ZNF469: variants seen among roughly 807,000 people sequenced by gnomAD.
ZNF469 encodes the protein zinc finger protein 469.
A neutral mutation model predicts 1.0 loss-of-function variants in ZNF469; 1 was observed. The ratio of observed to expected loss-of-function variants is 1.00; its 90% CI spans 0.35 to 4.73. The LOEUF is 4.73. Ranked by LOEUF, ZNF469 falls within the 30% of genes most tolerant of loss-of-function variation. The pLI is 0.16. For missense variants in ZNF469, 6,100 were observed against 5,356.3 expected, an observed-to-expected ratio of 1.14 and a Z score of -4.33; for synonymous variants, 2,703 against 2,363.4, an observed-to-expected ratio of 1.14 and a Z score of -4.17.
At chr16:88,274,347 G>A in the ZNF469 span, among the ~76,000 whole-genome samples, 28 of 152,314 alleles carry the variant, frequency 1.8e-4, no homozygotes, top group African/African-American at 2.4e-4. Flanking sequence ...GCACAATGCC[G>A]GAAACGTGTT....
chr16:88,202,370 G>A, the ZNF469 span, among the ~76,000 whole-genome samples: 2 of 152,164 alleles, frequency 1.3e-5, no homozygotes, highest in Admixed American at 1.3e-4. Context: ...TTAGAGTGAG[G>A]CTCTGGCTGT....
the ZNF469 span, among the ~76,000 whole-genome samples, chr16:88,173,029 A>G: frequency 1.3e-5 from 2 of 152,232 alleles, no homozygotes; most frequent in East Asian, 3.8e-4. Context: ...AAGAGAAGAG[A>G]GGCAGGGACG....
rs1200811391 is a variant in ZNF469 at position 88,438,045 on chromosome 16, G to C, written c.10575G>C (p.Glu3525Asp). 1 of 1,550,308 alleles carries C rather than the reference G, an allele frequency of 6.5e-7. No homozygotes were observed. Reference protein sequence around the residue: ...VAPSTTKGWPETLERPVDPVT... With the variant: ...VAPSTTKGWPDTLERPVDPVT... Reference sequence around the variant, plus strand: ...CCAGCACCACCAAGGGATGGCCCGAGACCCTAGAGAGGCCTGTAGACCCCG... The same window carrying C: ...CCAGCACCACCAAGGGATGGCCCGACACCCTAGAGAGGCCTGTAGACCCCG... The change falls in exon 3 of 3, where the codon GAG becomes GAC. Residue 3525 changes from glutamate (E) to aspartate (D), a missense_variant. Physicochemically the swap from Glu to Asp is conservative, Grantham distance 45 (BLOSUM62 2). Coordinates refer to ENST00000565624, the MANE Select transcript of ZNF469 (RefSeq NM_001367624.2).
chr16:88,209,416 G>A, the ZNF469 span, among the ~76,000 whole-genome samples: 29,025 of 151,560 alleles, frequency 0.19, 2,913 homozygotes, highest in East Asian at 0.3. Flanking sequence ...TCAGCCTCCC[G>A]AGTAGCTGGG....
chr16:88,329,511 G>A, the ZNF469 span, among the ~76,000 whole-genome samples: 2 of 152,186 alleles, frequency 1.3e-5, no homozygotes, highest in African/African-American at 4.8e-5. Context: ...AGAAGGGTGA[G>A]GATGAAACAC....
chr16:88,272,142 A>G, the ZNF469 span, among the ~76,000 whole-genome samples: 1 of 147,992 alleles, frequency 6.8e-6, no homozygotes, highest in East Asian at 2.0e-4. Context: ...GGGTAGGTGG[A>G]TGGATAGACG....
In ZNF469 at chr16:88,435,912, C is replaced by A; in HGVS notation, c.8442C>A (p.Thr2814=). 2.6e-6 allele frequency: 4 copies of A among 1,550,146 alleles called. No homozygotes were observed. Among genetic ancestry groups the A allele is most frequent in the Non-Finnish European group, 3.5e-6 (4 of 1,146,974 alleles). ...CCAGCTCTCCGGCGGACAGCACCAC[C>A]AGCAGCTGCCTCCAGGGCCTCCCGG... is the stretch of plus-strand genomic sequence containing the variant. ...ETSSSPADST[T]SSCLQGLPDN... Residue 2814 remains threonine (T), a synonymous_variant, in exon 3 of 3, where the codon ACC becomes ACA. Coordinates refer to ENST00000565624, the MANE Select transcript of ZNF469 (RefSeq NM_001367624.2).
chr16:88,356,691 A>G, the ZNF469 span, among the ~76,000 whole-genome samples: 10 of 152,284 alleles, frequency 6.6e-5, no homozygotes, highest in African/African-American at 2.4e-4. Flanking sequence ...CACCACGGAG[A>G]AAACCTCCAG....
At chr16:88,112,606 T>G in the ZNF469 span, among the ~76,000 whole-genome samples, 73 of 152,246 alleles carry the variant, frequency 4.8e-4, no homozygotes, top group African/African-American at 1.7e-3. Flanking sequence ...TATTCAGATC[T>G]TTTGCCCATT....
Position 88,437,429 on chromosome 16 carries a change from A to G in ZNF469, c.9959A>G (p.Glu3320Gly), listed in dbSNP as rs1435095730. 57 of 1,518,334 alleles carry G rather than the reference A, an allele frequency of 3.8e-5. No homozygotes were observed. Among genetic ancestry groups the G allele is most frequent in the Non-Finnish European group, 4.5e-5 (51 of 1,129,788 alleles). 94.1% of individuals were successfully genotyped at this position (1,518,334 alleles called of 1,614,324 possible). Reference protein sequence around the residue: ...SPSPDPWAGGEPLLQATPVHE... With the variant: ...SPSPDPWAGGGPLLQATPVHE... Reference sequence around the variant, plus strand: ...TCCCCCGACCCCTGGGCCGGCGGGGAGCCCCTCCTGCAAGCCACCCCGGTG... The same window carrying G: ...TCCCCCGACCCCTGGGCCGGCGGGGGGCCCCTCCTGCAAGCCACCCCGGTG... The change falls in exon 3 of 3, where the codon GAG (glutamate) becomes GGG (glycine). Residue 3320 changes from glutamate (E) to glycine (G), a missense_variant. Glu to Gly is a moderately conservative substitution (Grantham distance 98, BLOSUM62 -2). Coordinates refer to ENST00000565624, the MANE Select transcript of ZNF469 (RefSeq NM_001367624.2).
chr16:88,265,384 G>A, the ZNF469 span, among the ~76,000 whole-genome samples: 9 of 152,298 alleles, frequency 5.9e-5, no homozygotes, highest in East Asian at 1.5e-3. Flanking sequence ...TCACCCCGAG[G>A]GCTGCGGGAG....
chr16:88,176,646 T>C, the ZNF469 span, among the ~76,000 whole-genome samples: 1 of 150,454 alleles, frequency 6.6e-6, no homozygotes, highest in Non-Finnish European at 1.5e-5. Flanking sequence ...AAAATGAAGG[T>C]GGGGAAGTTG....
chr16:88,123,958 C>T, the ZNF469 span, among the ~76,000 whole-genome samples: 2 of 152,212 alleles, frequency 1.3e-5, no homozygotes, highest in Non-Finnish European at 2.9e-5. Flanking sequence ...CATGTGCCAC[C>T]ACGCCCAGCT....
chr16:88,416,892 G>T (rs1905316369), intron 1 of ZNF469, among the ~76,000 whole-genome samples: 1 of 152,194 alleles, frequency 6.6e-6, no homozygotes. Flanking sequence ...GCCTGAGCAG[G>T]GGCCTGTCCT....
rs1275943411 is a variant in ZNF469 at position 88,430,265 on chromosome 16, C to T, written c.2795C>T (p.Ala932Val). The T allele has an allele frequency of 2.6e-6, 4 of 1,518,814 alleles. No homozygotes were observed. Among genetic ancestry groups the T allele is most frequent in the South Asian group, 2.5e-5 (2 of 80,984 alleles). 94.1% of individuals were successfully genotyped at this position (1,518,814 alleles called of 1,614,324 possible). A position where few individuals can be genotyped will look rare whatever the true frequency, so the allele number is the denominator to read the frequency against. ...GRPKTRSLGL[A>V]PTEADAPSQG... ...CCCAAAACGCGTTCCCTGGGTCTGG[C>T]CCCCACCGAGGCGGATGCGCCCAGC... The change falls in exon 3 of 3, where the codon GCC (alanine) becomes GTC (valine). Residue 932 changes from alanine to valine, a missense_variant. Coordinates refer to ENST00000565624, the MANE Select transcript of ZNF469 (RefSeq NM_001367624.2).
In ZNF469 at chr16:88,437,806, C is replaced by G; in HGVS notation, c.10336C>G (p.Gln3446Glu). Residue 3446 changes from glutamine to glutamate, a missense_variant, in exon 3 of 3, where the codon CAG (glutamine) becomes GAG (glutamate). By Grantham distance (29) the Gln-to-Glu change is conservative. Transcript: ENST00000565624. ...GAACAAGCACCTCAGGGGGGGGCGGCAGCCCTTCGCGTTCCGCGGCGTGCG... is the reference window on the plus strand; with the variant it reads ...GAACAAGCACCTCAGGGGGGGGCGGGAGCCCTTCGCGTTCCGCGGCGTGCG... ...HMNKHLRGGR[Q>E]PFAFRGVRRP... 1 of 1,544,556 alleles carries G rather than the reference C, an allele frequency of 6.5e-7. No homozygotes were observed. The highest frequency in any genetic ancestry group is 8.8e-7 in the Non-Finnish European group (1 of 1,142,612).
upstream of ZNF469, among the ~76,000 whole-genome samples, chr16:88,382,001 C>A (rs541869441): frequency 2.6e-5 from 4 of 152,366 alleles, no homozygotes; most frequent in Admixed American, 2.0e-4. Flanking sequence ...GACCTGCTCC[C>A]GGGGGACCTT....
At chr16:88,228,129 C>T in the ZNF469 span, among the ~76,000 whole-genome samples, 2 of 152,266 alleles carry the variant, frequency 1.3e-5, no homozygotes, top group East Asian at 1.9e-4. Context: ...TGTAAAGACC[C>T]TCTTTCCAAA....
At chr16:88,229,657 C>T in the ZNF469 span, among the ~76,000 whole-genome samples, 106,077 of 141,176 alleles carry the variant, frequency 0.75, 40,706 homozygotes, top group Non-Finnish European at 0.86. Flanking sequence ...TGATGTCACG[C>T]GTGTGGATGT....
Sources: gnomAD v4.1 joint callset for allele counts (sites outside exome capture counted in the v4.1 genomes callset) on GRCh38, gnomAD v4.1.1 for gene constraint, MANE v1.5 for transcripts, NCBI Gene and HGNC (gene_info 2026-07-23, HGNC 2026-07-21) for gene names.